Variants in NOS1AP observed in about 807,000 individuals in gnomAD.
The protein encoded by NOS1AP is nitric oxide synthase 1 adaptor protein, also known as carboxyl-terminal PDZ ligand of neuronal nitric oxide synthase protein.
In NOS1AP, 21 loss-of-function variants were observed where a neutral mutation model predicts 56.2. The observed-to-expected ratio is 0.37, with a 90% CI of 0.26 to 0.54. NOS1AP has a LOEUF of 0.54. Ranked by LOEUF, NOS1AP falls within the 20% of genes least tolerant of loss-of-function variation. The pLI is 0.84. For synonymous variants in NOS1AP, 270 were observed against 274.6 expected (o/e 0.98, Z 0.17); for missense variants, 522 against 657.8 (o/e 0.79, Z 2.26).
chr1:162,357,145 C>T lies in NOS1AP; in HGVS notation c.939+9C>T. ...AAGTGGCTGTGGCCCAGGTTCTCCT[C>T]AGCCTCCTCCCTACTTCGCAGGCTC... On this transcript the variant is annotated intron_variant, in intron 8 of 9. Coordinates refer to ENST00000361897, the MANE Select transcript of NOS1AP (RefSeq NM_014697.3). The T allele has an allele frequency of 6.2e-7, 1 of 1,603,588 alleles. No individual in the cohort carries two copies. The highest frequency in any genetic ancestry group is 8.5e-7 in the Non-Finnish European group (1 of 1,179,568).
chr1:162,299,677 G>A (rs987968723), intron 3 of NOS1AP, among the ~76,000 whole-genome samples: 3 of 152,106 alleles, frequency 2.0e-5, no homozygotes, highest in Non-Finnish European at 2.9e-5. Flanking sequence ...GTTTGATATT[G>A]GATGTTTTTA....
Position 162,298,944 on chromosome 1 carries a change from G to A in NOS1AP, c.271-1689G>A, listed in dbSNP as rs138031295. 2.4e-3 allele frequency among the ~76,000 whole-genome samples: 371 copies of A among 152,332 alleles called. 2 individuals carry two copies. The highest frequency in any genetic ancestry group is 0.018 in the Admixed American group (276 of 15,300). On this transcript the variant is annotated intron_variant, in intron 3 of 9. Coordinates refer to ENST00000361897, the MANE Select transcript of NOS1AP (RefSeq NM_014697.3). ...CACCTTCATAAACATTGCTAACTGC[G>A]TTAAATTAAAAGTGCAGGTAGAATA... is the stretch of plus-strand genomic sequence containing the variant.
chr1:162,121,492 G>A (rs904802396), intron 1 of NOS1AP, among the ~76,000 whole-genome samples: 2 of 152,110 alleles, frequency 1.3e-5, no homozygotes, highest in African/African-American at 4.8e-5. Flanking sequence ...GTCTCCAAAT[G>A]TCACAGCTGG....
At chr1:162,182,766 T>C (rs991725512) in intron 2 of NOS1AP, among the ~76,000 whole-genome samples, 2 of 152,216 alleles carry the variant, frequency 1.3e-5, no homozygotes, top group African/African-American at 4.8e-5. Flanking sequence ...AAAATTTTAT[T>C]ATGAAATTGT....
chr1:162,355,778 C>T (rs1474221399), intron 7 of NOS1AP, among the ~76,000 whole-genome samples: 1 of 152,020 alleles, frequency 6.6e-6, no homozygotes, highest in Non-Finnish European at 1.5e-5. Flanking sequence ...GTTGGTAATT[C>T]CTGTGGATAG....
At chr1:162,296,716 T>C (rs914593326) in intron 3 of NOS1AP, among the ~76,000 whole-genome samples, 2 of 152,234 alleles carry the variant, frequency 1.3e-5, no homozygotes, top group African/African-American at 4.8e-5. Context: ...CATTATTCTT[T>C]CCTTTTAATG....
chr1:162,079,012 A>G (rs1691832237), intron 1 of NOS1AP, among the ~76,000 whole-genome samples: 1 of 152,234 alleles, frequency 6.6e-6, no homozygotes, highest in Admixed American at 6.5e-5. Context: ...TTTGAATGAA[A>G]GAGATGATCC....
intron 1 of NOS1AP, among the ~76,000 whole-genome samples, chr1:162,077,148 C>A (rs1405883788): frequency 1.3e-5 from 2 of 151,938 alleles, no homozygotes; most frequent in East Asian, 3.9e-4. Context: ...CATGTGTGAC[C>A]ATTTGTGGGA....
rs145342907 is a variant in NOS1AP, at chr1:162,073,496, T to C, written c.105+3214T>C. On this transcript the variant is annotated intron_variant, in intron 1 of 9. Coordinates refer to ENST00000361897, the MANE Select transcript of NOS1AP (RefSeq NM_014697.3). ...TTATTTTGAGATGGAGTTTTGCTCT[T>C]GTTGCCCAGGCTGGAGTGCAATGGC... Among the ~76,000 whole-genome samples, 706 of 152,324 alleles carry C rather than the reference T, an allele frequency of 4.6e-3. 7 individuals carry two copies. Among genetic ancestry groups the C allele is most frequent in the African/African-American group, 0.016 (650 of 41,562 alleles).
At chr1:162,174,175 A>T (rs977030741) in intron 2 of NOS1AP, among the ~76,000 whole-genome samples, 1 of 152,082 alleles carries the variant, frequency 6.6e-6, no homozygotes, top group Admixed American at 6.5e-5. Flanking sequence ...TCCAACAATG[A>T]TAGACTGGAT....
At chr1:162,140,895 G>GCGA (rs1649209242) in intron 1 of NOS1AP, among the ~76,000 whole-genome samples, 1 of 152,160 alleles carries the variant, frequency 6.6e-6, no homozygotes, top group Admixed American at 6.5e-5. Flanking sequence ...CTCTAGTGAT[G>GCGA]ATGAGCATTT....
At chr1:162,095,180 C>T (rs1343943419) in intron 1 of NOS1AP, among the ~76,000 whole-genome samples, 5 of 152,102 alleles carry the variant, frequency 3.3e-5, no homozygotes, top group Admixed American at 2.0e-4. Flanking sequence ...GTGTCCTCCC[C>T]GAATTTTTGT....
At chr1:162,099,635 A>T (rs1009929137) in intron 1 of NOS1AP, among the ~76,000 whole-genome samples, 14 of 27,402 alleles carry the variant, frequency 5.1e-4, no homozygotes, top group African/African-American at 8.5e-4. Context: ...TCTTTTTTTT[A>T]AATTTTATTA....
chr1:162,271,634 T>C (rs1191066861), intron 2 of NOS1AP, among the ~76,000 whole-genome samples: 1 of 152,256 alleles, frequency 6.6e-6, no homozygotes, highest in East Asian at 1.9e-4. Context: ...GATGTCATCA[T>C]GACCAGCCAG....
intron 1 of NOS1AP, among the ~76,000 whole-genome samples, chr1:162,106,155 G>A (rs1377212024): frequency 6.6e-6 from 1 of 152,178 alleles, no homozygotes; most frequent in Non-Finnish European, 1.5e-5. Flanking sequence ...GAGTTGCAAA[G>A]ATCCATGGGA....
rs554170017 is a variant in NOS1AP, at chr1:162,352,339, G to A, written c.596-2848G>A. 2.0e-4 allele frequency among the ~76,000 whole-genome samples: 31 copies of A among 151,826 alleles called. No individual in the cohort carries two copies. In the South Asian group the frequency reaches 3.7e-3, roughly 18 times the overall value. ...CTCCCAAAGTGCTGGAATTATAGGC[G>A]TGAGCCACCGCGCCTGGCCTGCAGG... is the stretch of plus-strand genomic sequence containing the variant. On this transcript the variant is annotated intron_variant, in intron 6 of 9. Coordinates refer to ENST00000361897, the MANE Select transcript of NOS1AP (RefSeq NM_014697.3).
intron 2 of NOS1AP, among the ~76,000 whole-genome samples, chr1:162,215,556 G>A (rs767997840): frequency 3.3e-5 from 5 of 152,216 alleles, no homozygotes; most frequent in Admixed American, 6.5e-5. Flanking sequence ...GGCAGGCACT[G>A]TATTATGCTT....
chr1:162,071,087 A>C (rs1023722834), intron 1 of NOS1AP, among the ~76,000 whole-genome samples: 4 of 152,102 alleles, frequency 2.6e-5, no homozygotes, highest in African/African-American at 9.7e-5. Flanking sequence ...GGCTTCTGAA[A>C]CTGCAGTGGC....
chr1:162,304,384 A>G (rs138347769), intron 4 of NOS1AP, among the ~76,000 whole-genome samples: 225 of 152,348 alleles, frequency 1.5e-3, no homozygotes, highest in African/African-American at 5.4e-3. Context: ...TCTTGACACT[A>G]GTACCACACT....
Sources: allele counts gnomAD v4.1 joint callset (sites outside exome capture counted in the v4.1 genomes callset), GRCh38; gene constraint gnomAD v4.1.1; transcripts MANE v1.5; gene names NCBI Gene and HGNC (gene_info 2026-07-23, HGNC 2026-07-21).